Variants in MSRB3 observed in about 807,000 individuals in gnomAD.
MSRB3 encodes methionine-R-sulfoxide reductase B3.
MSRB3 carries 13 observed loss-of-function variants against 21.0 expected under a neutral mutation model. The ratio of observed to expected loss-of-function variants is 0.62; its 90% CI spans 0.40 to 0.98. The LOEUF (loss-of-function observed/expected upper bound fraction) is 0.98. Among genes scored for constraint, MSRB3 ranks in the 50% least tolerant of loss-of-function variants. MSRB3 has a pLI of 0.00. For missense variants in MSRB3, 199 were observed against 230.3 expected (o/e 0.86, Z 0.88); for synonymous variants, 87 against 88.6 (o/e 0.98, Z 0.10).
At chr12:65,414,107 A>G (rs1413556584) in intron 5 of MSRB3, among the ~76,000 whole-genome samples, 1 of 152,120 alleles carries the variant, frequency 6.6e-6, no homozygotes, top group Non-Finnish European at 1.5e-5. Flanking sequence ...AACACATTGG[A>G]TTTTACTCTG....
chr12:65,426,779 T>C (rs1387243628), intron 5 of MSRB3, among the ~76,000 whole-genome samples: 2 of 152,146 alleles, frequency 1.3e-5, no homozygotes, highest in Non-Finnish European at 2.9e-5. Context: ...TTAAGATAAC[T>C]TGTCTTTGAG....
chr12:65,396,957 G>C (rs1000277411), intron 5 of MSRB3, among the ~76,000 whole-genome samples: 1 of 152,122 alleles, frequency 6.6e-6, no homozygotes, highest in African/African-American at 2.4e-5. Flanking sequence ...TAATAGAGGG[G>C]TGTTGAAGTC....
intron 5 of MSRB3, among the ~76,000 whole-genome samples, chr12:65,438,218 C>T (rs1001613323): frequency 2.6e-5 from 4 of 151,862 alleles, no homozygotes; most frequent in Non-Finnish European, 4.4e-5. Context: ...GATTTCCCAC[C>T]TAAACAATTC....
At chr12:65,297,145 C>T (rs1873019401) in intron 1 of MSRB3, among the ~76,000 whole-genome samples, 1 of 152,004 alleles carries the variant, frequency 6.6e-6, no homozygotes, top group Non-Finnish European at 1.5e-5. Context: ...CACATGTTCT[C>T]ACTTATAAGT....
intron 5 of MSRB3, among the ~76,000 whole-genome samples, chr12:65,378,611 A>G (rs1878769592): frequency 6.6e-6 from 1 of 152,222 alleles, no homozygotes. Context: ...GCCATTAAAA[A>G]GGTTGCTGGC....
chr12:65,322,776 T>C (rs1395090249), intron 2 of MSRB3, among the ~76,000 whole-genome samples: 3 of 151,880 alleles, frequency 2.0e-5, no homozygotes, highest in Non-Finnish European at 2.9e-5. Flanking sequence ...CTTAATAAGG[T>C]ATGTTATAAC....
At chr12:65,364,302 T>C (rs1420917883) in intron 4 of MSRB3, among the ~76,000 whole-genome samples, 3 of 152,168 alleles carry the variant, frequency 2.0e-5, no homozygotes, top group African/African-American at 7.2e-5. Flanking sequence ...GAAATATGTC[T>C]GTGTGCCCAC....
rs73318490 is a variant in MSRB3 at position 65,344,669 on chromosome 12, A to G, written c.263+16066A>G. 5.3e-3 allele frequency among the ~76,000 whole-genome samples: 813 copies of G among 151,986 alleles called. 5 individuals carry two copies. Among genetic ancestry groups the G allele is most frequent in the African/African-American group, 0.019 (774 of 41,494 alleles). On this transcript the variant is annotated intron_variant, in intron 4 of 6. Transcript: ENST00000308259. ...ATGCTTTTTCAATGTGGAAGTTTATACGGTGTGAAGAGACATTTTTTTACT... is the reference window on the plus strand; with the variant it reads ...ATGCTTTTTCAATGTGGAAGTTTATGCGGTGTGAAGAGACATTTTTTTACT...
chr12:65,346,543 C>A (rs1489463936), intron 4 of MSRB3, among the ~76,000 whole-genome samples: 1 of 152,058 alleles, frequency 6.6e-6, no homozygotes, highest in Non-Finnish European at 1.5e-5. Context: ...GTTGACTGTT[C>A]ACTCTGATGG....
chr12:65,347,404 T>G (rs1448499298), intron 4 of MSRB3, among the ~76,000 whole-genome samples: 3 of 151,962 alleles, frequency 2.0e-5, no homozygotes, highest in Non-Finnish European at 4.4e-5. Context: ...ATTGGTGTAT[T>G]AGAATGCTTT....
chr12:65,378,677 G>T (rs1158967720), intron 5 of MSRB3, among the ~76,000 whole-genome samples: 1 of 152,164 alleles, frequency 6.6e-6, no homozygotes, highest in Non-Finnish European at 1.5e-5. Flanking sequence ...CTAGTATCTG[G>T]CTATTAACTT....
intron 5 of MSRB3, among the ~76,000 whole-genome samples, chr12:65,440,529 C>T (rs747118307): frequency 2.4e-4 from 36 of 151,572 alleles, no homozygotes; most frequent in Non-Finnish European, 4.6e-4. Flanking sequence ...TTAATAATAC[C>T]TTCCTGAGAC....
At position 65,398,292 on chromosome 12, in the gene MSRB3, G is replaced by A. The variant is rs11175747; in HGVS notation, c.292+29266G>A. On this transcript the variant is annotated intron_variant, in intron 5 of 6. Transcript: ENST00000308259. Reference sequence around the variant, plus strand: ...ATCTGTTGTTTCCTAACTTTTTGATGATCACCATTCTAACTGGTGTGAGAT... The same window carrying A: ...ATCTGTTGTTTCCTAACTTTTTGATAATCACCATTCTAACTGGTGTGAGAT... Among the ~76,000 whole-genome samples, 1,021 of 152,132 alleles carry A rather than the reference G, an allele frequency of 6.7e-3. 10 individuals are homozygous for A. The highest frequency in any genetic ancestry group is 0.021 in the Middle Eastern group (6 of 292).
rs1876520152 is a variant in MSRB3, at chr12:65,346,548, TG to T, written c.263+17946del. On this transcript the variant is annotated intron_variant, in intron 4 of 6. Transcript: ENST00000308259. The stretch of plus-strand genomic sequence containing the variant: ...CATTCTGTAGGTTGACTGTTCACTC[TG>T]ATGGTAGTTTCTTTTGCTGTGCAGA... 2.6e-5 allele frequency among the ~76,000 whole-genome samples: 4 copies of T among 152,310 alleles called. No homozygotes were observed. The South Asian group carries it at 8.3e-4, about 32-fold the overall frequency.
At chr12:65,432,169 T>C (rs910938892) in intron 5 of MSRB3, among the ~76,000 whole-genome samples, 5 of 149,668 alleles carry the variant, frequency 3.3e-5, no homozygotes, top group African/African-American at 1.2e-4. Context: ...GTTAATGTTT[T>C]AGTTGATTAG....
rs1286941543 is a variant in MSRB3, at chr12:65,373,137, C to T, written c.292+4111C>T. On this transcript the variant is annotated intron_variant, in intron 5 of 6. Coordinates refer to ENST00000308259, the MANE Select transcript of MSRB3 (RefSeq NM_001031679.3). The stretch of plus-strand genomic sequence containing the variant: ...AAAGACCAGGAGTTGGCTCTGTCGC[C>T]AAATTTCAAGAACATGCACGTCTCT... 3.9e-5 allele frequency among the ~76,000 whole-genome samples: 6 copies of T among 152,092 alleles called. 1 individual carries two copies. Among genetic ancestry groups the T allele is most frequent in the African/African-American group, 1.4e-4 (6 of 41,402 alleles).
intron 1 of MSRB3, among the ~76,000 whole-genome samples, chr12:65,289,892 T>C (rs528861391): frequency 2.0e-5 from 3 of 152,358 alleles, no homozygotes; most frequent in Non-Finnish European, 4.4e-5. Context: ...AGCTATGTAG[T>C]ATTCCATGAT....
intron 5 of MSRB3, among the ~76,000 whole-genome samples, chr12:65,432,198 GA>G (rs11306160): frequency 0.52 from 78,586 of 151,614 alleles, 21,176 homozygotes; most frequent in Non-Finnish European, 0.62. Context: ...TTTGAGAGTA[GA>G]AAAAAATCAA....
At chr12:65,297,402 T>C (rs1873040451) in intron 1 of MSRB3, among the ~76,000 whole-genome samples, 1 of 151,870 alleles carries the variant, frequency 6.6e-6, no homozygotes, top group Non-Finnish European at 1.5e-5. Flanking sequence ...TAAAATAGAA[T>C]CCATTCTGCA....
Sources: allele counts gnomAD v4.1 joint callset (sites outside exome capture counted in the v4.1 genomes callset), GRCh38; gene constraint gnomAD v4.1.1; transcripts MANE v1.5; gene names NCBI Gene and HGNC (gene_info 2026-07-23, HGNC 2026-07-21).